CCDC171: variants seen among roughly 807,000 people sequenced by gnomAD.
The protein encoded by CCDC171 is coiled-coil domain-containing protein 171.
In CCDC171, 177 loss-of-function variants were observed where a neutral mutation model predicts 168.2. The observed-to-expected ratio is 1.05, with a 90% CI of 0.93 to 1.19. The LOEUF (loss-of-function observed/expected upper bound fraction) is 1.19, where lower values mean the gene tolerates loss of function less well. CCDC171 is among the 50% of genes most tolerant of loss of function. The pLI is 0.00. For missense variants in CCDC171, 1,991 were observed against 1,539.0 expected (o/e 1.29, Z -4.91); for synonymous variants, 687 against 540.8 (o/e 1.27, Z -3.75).
chr9:16,072,236 T>C, the CCDC171 span, among the ~76,000 whole-genome samples: 1 of 152,204 alleles, frequency 6.6e-6, no homozygotes, highest in African/African-American at 2.4e-5. Flanking sequence ...TCCTCTGCTA[T>C]TGGGTAGAAA....
At chr9:15,995,407 G>A (rs530673793) in intron 3 of CCDC171, among the ~76,000 whole-genome samples, 17 of 152,202 alleles carry the variant, frequency 1.1e-4, no homozygotes, top group East Asian at 1.9e-4. Flanking sequence ...TTTTGTTAGC[G>A]TAATAATGGA....
chr9:15,850,534 A>G (rs563962604), intron 23 of CCDC171, among the ~76,000 whole-genome samples: 26 of 152,108 alleles, frequency 1.7e-4, no homozygotes, highest in Non-Finnish European at 3.2e-4. Context: ...CAGATTTAGT[A>G]GTTAATTATT....
chr9:15,944,355 A>G (rs965576974), intron 25 of CCDC171, among the ~76,000 whole-genome samples: 2 of 151,990 alleles, frequency 1.3e-5, no homozygotes, highest in Non-Finnish European at 1.5e-5. Flanking sequence ...CATGAAACAG[A>G]AGAGGACTTG....
chr9:15,625,999 A>G (rs2045058454), intron 7 of CCDC171, among the ~76,000 whole-genome samples: 1 of 152,152 alleles, frequency 6.6e-6, no homozygotes, highest in South Asian at 2.1e-4. Context: ...TTCATTGAGC[A>G]GTGGTTTGTA....
chr9:15,989,151 C>T (rs1053509553), intron 3 of CCDC171, among the ~76,000 whole-genome samples: 8 of 152,152 alleles, frequency 5.3e-5, no homozygotes, highest in Non-Finnish European at 7.3e-5. Context: ...CGCTGACCCC[C>T]GAGTAGCCTA....
intron 4 of CCDC171, among the ~76,000 whole-genome samples, chr9:15,586,901 G>A (rs2041605437): frequency 6.6e-6 from 1 of 152,046 alleles, no homozygotes; most frequent in African/African-American, 2.4e-5. Flanking sequence ...TTGAACTCCT[G>A]GGCTTAAGCC....
intron 7 of CCDC171, among the ~76,000 whole-genome samples, chr9:15,649,590 A>G (rs560121041): frequency 6.6e-6 from 1 of 152,232 alleles, no homozygotes; most frequent in Non-Finnish European, 1.5e-5. Context: ...TGGGTGAAGG[A>G]TATGAACAGA....
intron 9 of CCDC171, among the ~76,000 whole-genome samples, chr9:15,673,057 A>C (rs577295679): frequency 6.6e-6 from 1 of 152,202 alleles, no homozygotes. Flanking sequence ...GTTCTCCTTG[A>C]AGAGGTCCTT....
chr9:15,901,150 A>C (rs1468669953), intron 24 of CCDC171, among the ~76,000 whole-genome samples: 3 of 152,218 alleles, frequency 2.0e-5, no homozygotes, highest in Non-Finnish European at 4.4e-5. Context: ...TATAAAAACT[A>C]TTGAGAAAAT....
In CCDC171 at chr9:15,703,195, C is replaced by T. The variant is rs149690352; in HGVS notation, c.1318+7858C>T. On this transcript the variant is annotated intron_variant, in intron 11 of 25. Coordinates refer to ENST00000380701, the MANE Select transcript of CCDC171 (RefSeq NM_173550.4). ...TGCTGGGATTACAGGCCTGAGCCAC[C>T]ACGCCCGGCCGGGCCTTGTTTTTAA... Among the ~76,000 whole-genome samples, 14 of 152,296 alleles carry T rather than the reference C, an allele frequency of 9.2e-5. No individual in the cohort carries two copies. In the East Asian group the frequency reaches 2.5e-3, roughly 27 times the overall value.
intron 24 of CCDC171, among the ~76,000 whole-genome samples, chr9:15,879,281 A>G (rs957091781): frequency 2.0e-5 from 3 of 152,134 alleles, no homozygotes; most frequent in Admixed American, 1.3e-4. Context: ...CAATTGGGCC[A>G]TACAGTTTTT....
intron 25 of CCDC171, among the ~76,000 whole-genome samples, chr9:15,957,142 G>A (rs1251958855): frequency 6.6e-6 from 1 of 151,918 alleles, no homozygotes; most frequent in Admixed American, 6.6e-5. Flanking sequence ...GAGCATACAG[G>A]CAAGAAGAGA....
intron 4 of CCDC171, among the ~76,000 whole-genome samples, chr9:15,590,077 G>A (rs2041869965): frequency 6.6e-6 from 1 of 152,152 alleles, no homozygotes; most frequent in Non-Finnish European, 1.5e-5. Flanking sequence ...AGATTCTAAA[G>A]CTTTCACGAG....
chr9:15,675,642 G>A (rs538101059), intron 9 of CCDC171, among the ~76,000 whole-genome samples: 1 of 152,182 alleles, frequency 6.6e-6, no homozygotes, highest in East Asian at 1.9e-4. Context: ...AGTTTAGTTT[G>A]GCTGGATATG....
chr9:15,566,108 T>C (rs1180850497), intron 2 of CCDC171, among the ~76,000 whole-genome samples: 2 of 152,262 alleles, frequency 1.3e-5, no homozygotes, highest in Non-Finnish European at 2.9e-5. Flanking sequence ...TGATTAACGA[T>C]GTTGAACATC....
Position 15,620,516 on chromosome 9 carries a change from C to T in CCDC171, c.676-2751C>T, listed in dbSNP as rs71513239. 5.5e-3 allele frequency among the ~76,000 whole-genome samples: 843 copies of T among 152,262 alleles called. 5 individuals are homozygous for T. The highest frequency in any genetic ancestry group is 8.5e-3 in the Non-Finnish European group (576 of 68,016). The stretch of plus-strand genomic sequence containing the variant: ...GTGACTGAATTGCTGCAATCTCATG[C>T]ATTCATAAAACTTGAATGGGTGAGG... On this transcript the variant is annotated intron_variant, in intron 6 of 25. Coordinates refer to ENST00000380701, the MANE Select transcript of CCDC171 (RefSeq NM_173550.4).
intron 9 of CCDC171, among the ~76,000 whole-genome samples, chr9:15,674,853 A>C (rs2049400683): frequency 1.3e-5 from 2 of 152,036 alleles, no homozygotes; most frequent in Non-Finnish European, 1.5e-5. Flanking sequence ...TGGGGTGGAG[A>C]GTTCTGTAGA....
intron 21 of CCDC171, among the ~76,000 whole-genome samples, chr9:15,807,417 G>C (rs1258036336): frequency 1.3e-5 from 2 of 152,140 alleles, no homozygotes; most frequent in African/African-American, 4.8e-5. Context: ...GCAGTTATTT[G>C]TTGTTTAATT....
rs970277893 is a variant in CCDC171 at position 15,896,503 on chromosome 9, G to C, written c.3600+21840G>C. ...ATGCCAAAAAAGGAAAATGAACTTAGATTCTCTTTTTCTTGTATAAAATAA... is the reference window on the plus strand; with the variant it reads ...ATGCCAAAAAAGGAAAATGAACTTACATTCTCTTTTTCTTGTATAAAATAA... On this transcript the variant is annotated intron_variant, in intron 24 of 25. Transcript: ENST00000380701. 2.0e-5 allele frequency among the ~76,000 whole-genome samples: 3 copies of C among 152,034 alleles called. No individual in the cohort carries two copies. In the East Asian group the frequency reaches 5.8e-4, roughly 29 times the overall value.
Sources: allele counts gnomAD v4.1 joint callset (sites outside exome capture counted in the v4.1 genomes callset), GRCh38; gene constraint gnomAD v4.1.1; transcripts MANE v1.5; gene names NCBI Gene and HGNC (gene_info 2026-07-23, HGNC 2026-07-21).